NKAIN2: variants seen among roughly 807,000 people sequenced by gnomAD.
NKAIN2 encodes sodium/potassium transporting ATPase interacting 2, also known as sodium/potassium-transporting ATPase subunit beta-1-interacting protein 2.
A neutral mutation model predicts 32.6 loss-of-function variants in NKAIN2; 14 were observed. The ratio of observed to expected loss-of-function variants is 0.43; its 90% CI spans 0.28 to 0.67. NKAIN2 has a LOEUF of 0.67. Ranked by LOEUF, NKAIN2 falls within the 30% of genes least tolerant of loss-of-function variation. NKAIN2 has a pLI of 0.17. For missense variants in NKAIN2, 198 were observed against 258.3 expected, an observed-to-expected ratio of 0.77 and a Z score of 1.60; for synonymous variants, 80 against 87.2, an observed-to-expected ratio of 0.92 and a Z score of 0.46.
chr6:123,867,109 C>A (rs796835681), intron 1 of NKAIN2, among the ~76,000 whole-genome samples: 1 of 152,214 alleles, frequency 6.6e-6, no homozygotes, highest in South Asian at 2.1e-4. Flanking sequence ...TTCTAACCAT[C>A]CGTATCTAAT....
At chr6:124,147,818 C>A (rs1343891536) in intron 1 of NKAIN2, among the ~76,000 whole-genome samples, 1 of 152,052 alleles carries the variant, frequency 6.6e-6, no homozygotes, top group Non-Finnish European at 1.5e-5. Flanking sequence ...GTAAAGCTAT[C>A]AGTAGGAGGA....
chr6:124,419,908 T>C lies in NKAIN2; in HGVS notation c.273+64561T>C, dbSNP rs1774670439. 2.0e-5 allele frequency among the ~76,000 whole-genome samples: 3 copies of C among 152,220 alleles called. No homozygotes were observed. The South Asian group carries it at 6.2e-4, about 32-fold the overall frequency. ...AAGCACTGCTGACAGTATGAAAATTTTGCACACTGTCTGTCTTGTCAGCAA... is the reference window on the plus strand; with the variant it reads ...AAGCACTGCTGACAGTATGAAAATTCTGCACACTGTCTGTCTTGTCAGCAA... On this transcript the variant is annotated intron_variant, in intron 3 of 6. Transcript: ENST00000368417.
chr6:124,609,658 G>A (rs765629760), intron 3 of NKAIN2, among the ~76,000 whole-genome samples: 6 of 151,768 alleles, frequency 4.0e-5, no homozygotes, highest in South Asian at 2.1e-4. Context: ...GCCCCCCTCC[G>A]GAAGCCCCAC....
intron 1 of NKAIN2, among the ~76,000 whole-genome samples, chr6:123,899,796 C>A (rs1446420429): frequency 6.6e-6 from 1 of 152,126 alleles, no homozygotes; most frequent in Non-Finnish European, 1.5e-5. Flanking sequence ...GGGTCTTAGG[C>A]CCTTGTTCAG....
chr6:124,019,937 T>G (rs1780791547), intron 1 of NKAIN2, among the ~76,000 whole-genome samples: 1 of 152,192 alleles, frequency 6.6e-6, no homozygotes, highest in African/African-American at 2.4e-5. Flanking sequence ...GATATTAAAA[T>G]GTAACATTTT....
At chr6:124,045,069 A>G (rs974301547) in intron 1 of NKAIN2, among the ~76,000 whole-genome samples, 27 of 151,868 alleles carry the variant, frequency 1.8e-4, no homozygotes, top group African/African-American at 6.5e-4. Context: ...CTCATTTGAA[A>G]CCTATCTCTT....
At chr6:124,338,567 AATTTTTTCACAAG>A (rs1296812518) in intron 2 of NKAIN2, among the ~76,000 whole-genome samples, 1 of 152,134 alleles carries the variant, frequency 6.6e-6, no homozygotes, top group Non-Finnish European at 1.5e-5. Flanking sequence ...TCATTTTGAC[AATTTTTTCACAAG>A]TTTGGAAATA....
chr6:124,138,594 C>T (rs2114313336), intron 1 of NKAIN2, among the ~76,000 whole-genome samples: 1 of 145,476 alleles, frequency 6.9e-6, no homozygotes, highest in African/African-American at 2.7e-5. Context: ...ACCTAAAAGC[C>T]CATCAACCAA....
At chr6:123,978,947 T>C (rs1778768325) in intron 1 of NKAIN2, among the ~76,000 whole-genome samples, 1 of 152,176 alleles carries the variant, frequency 6.6e-6, no homozygotes. Context: ...CATTACCCTG[T>C]AGTTTCGGAG....
chr6:124,654,218 T>C (rs1248240129), intron 3 of NKAIN2, among the ~76,000 whole-genome samples: 1 of 152,162 alleles, frequency 6.6e-6, no homozygotes, highest in Non-Finnish European at 1.5e-5. Context: ...AATAGGGTAC[T>C]ATGAAATGGA....
intron 1 of NKAIN2, among the ~76,000 whole-genome samples, chr6:124,082,762 T>C (rs958177203): frequency 6.6e-6 from 1 of 152,028 alleles, no homozygotes; most frequent in African/African-American, 2.4e-5. Flanking sequence ...TGTATGATAT[T>C]TGTATCCAAA....
intron 1 of NKAIN2, among the ~76,000 whole-genome samples, chr6:123,971,408 G>A (rs1191807700): frequency 6.6e-6 from 1 of 151,782 alleles, no homozygotes; most frequent in Non-Finnish European, 1.5e-5. Context: ...GTGCTTCAAG[G>A]GGTTTTGTTC....
intron 1 of NKAIN2, among the ~76,000 whole-genome samples, chr6:124,229,854 T>C (rs1472530338): frequency 2.0e-5 from 3 of 152,146 alleles, no homozygotes; most frequent in Non-Finnish European, 4.4e-5. Context: ...AATCTCTTTT[T>C]CTTCCCAGTC....
At chr6:124,470,939 A>G (rs1776947747) in intron 3 of NKAIN2, among the ~76,000 whole-genome samples, 1 of 152,084 alleles carries the variant, frequency 6.6e-6, no homozygotes, top group African/African-American at 2.4e-5. Context: ...TAAGGGTCAA[A>G]TCTGGTTCTC....
intron 3 of NKAIN2, among the ~76,000 whole-genome samples, chr6:124,453,358 C>CACGCAA: frequency 6.7e-6 from 1 of 149,898 alleles, no homozygotes; most frequent in Non-Finnish European, 1.5e-5. Flanking sequence ...CACACACACA[C>CACGCAA]ACACACACAC....
chr6:123,923,694 A>C (rs1387740739), intron 1 of NKAIN2, among the ~76,000 whole-genome samples: 1 of 150,470 alleles, frequency 6.6e-6, no homozygotes, highest in Non-Finnish European at 1.5e-5. Flanking sequence ...CGCAAGAACA[A>C]AAAACCAAAC....
chr6:124,361,429 A>C (rs1161109139), intron 3 of NKAIN2, among the ~76,000 whole-genome samples: 1 of 152,072 alleles, frequency 6.6e-6, no homozygotes, highest in Non-Finnish European at 1.5e-5. Context: ...AAAACAATAA[A>C]CTTATAGAGC....
rs958322805 is a variant in NKAIN2 at position 124,660,696 on chromosome 6, T to C, written c.474+2310T>C. Among the ~76,000 whole-genome samples the C allele has an allele frequency of 2.0e-5, 3 of 152,212 alleles. No individual in the cohort carries two copies. The East Asian group carries it at 5.8e-4, about 29-fold the overall frequency. Reference sequence around the variant, plus strand: ...CCAGGGGTGTACTACTTTTGCAATGTTGACTGTGGAACACCAGAGTTAGCA... The same window carrying C: ...CCAGGGGTGTACTACTTTTGCAATGCTGACTGTGGAACACCAGAGTTAGCA... On this transcript the variant is annotated intron_variant, in intron 4 of 6. Transcript: ENST00000368417.
chr6:124,753,989 T>C (rs1203222101), intron 4 of NKAIN2, among the ~76,000 whole-genome samples: 1 of 152,096 alleles, frequency 6.6e-6, no homozygotes, highest in African/African-American at 2.4e-5. Context: ...AAGGGATGAA[T>C]TACGTAGAAC....
Sources: gnomAD v4.1 joint callset for allele counts (sites outside exome capture counted in the v4.1 genomes callset) on GRCh38, gnomAD v4.1.1 for gene constraint, MANE v1.5 for transcripts, NCBI Gene and HGNC (gene_info 2026-07-23, HGNC 2026-07-21) for gene names.